The following PID1 variants were observed in gnomAD, a reference collection of about 807,000 sequenced individuals.
PID1 encodes phosphotyrosine interaction domain containing 1.
PID1 carries 10 observed loss-of-function variants against 19.1 expected under a neutral mutation model. The observed-to-expected ratio is 0.52, with a 90% confidence interval of 0.32 to 0.89. The LOEUF (loss-of-function observed/expected upper bound fraction) is 0.89. PID1 is among the 40% of genes least tolerant of loss of function. The pLI is 0.03. For missense variants in PID1, 248 were observed against 285.3 expected (o/e 0.87, Z 0.94); for synonymous variants, 130 against 116.0 (o/e 1.12, Z -0.78).
chr2:229,117,083 T>C (rs1196451394), intron 2 of PID1, among the ~76,000 whole-genome samples: 6 of 152,174 alleles, frequency 3.9e-5, no homozygotes, highest in Admixed American at 1.3e-4. Flanking sequence ...ATAGCTCAGA[T>C]ACATATCATT....
At chr2:229,240,277 CCT>C (rs1689837991) in intron 1 of PID1, among the ~76,000 whole-genome samples, 1 of 151,980 alleles carries the variant, frequency 6.6e-6, no homozygotes, top group African/African-American at 2.4e-5. Flanking sequence ...AAATGAATCC[CCT>C]GAGACATTCT....
intron 1 of PID1, among the ~76,000 whole-genome samples, chr2:229,162,794 A>G (rs1051304838): frequency 2.0e-5 from 3 of 152,224 alleles, no homozygotes; most frequent in African/African-American, 7.2e-5. Context: ...ATTGTAAATA[A>G]GGTATATTCA....
At chr2:229,097,089 C>T (rs1694986388) in intron 2 of PID1, among the ~76,000 whole-genome samples, 1 of 152,076 alleles carries the variant, frequency 6.6e-6, no homozygotes, top group Non-Finnish European at 1.5e-5. Context: ...TAAAATAAAG[C>T]CTTCAAGGAA....
chr2:229,242,534 G>T (rs569358947), intron 1 of PID1, among the ~76,000 whole-genome samples: 1 of 151,864 alleles, frequency 6.6e-6, no homozygotes, highest in Non-Finnish European at 1.5e-5. Context: ...TACATTTCCC[G>T]TCCTCTCTAA....
chr2:229,111,824 T>C (rs879623201), intron 2 of PID1, among the ~76,000 whole-genome samples: 2 of 152,218 alleles, frequency 1.3e-5, no homozygotes, highest in Non-Finnish European at 2.9e-5. Flanking sequence ...GTTCTCATCA[T>C]GTGATAAGTT....
intron 1 of PID1, among the ~76,000 whole-genome samples, chr2:229,160,424 C>T (rs1690469761): frequency 6.6e-6 from 1 of 152,092 alleles, no homozygotes; most frequent in African/African-American, 2.4e-5. Flanking sequence ...CCAACTTCAA[C>T]ACAATATATT....
At chr2:229,151,571 C>CT (rs1176333725) in intron 2 of PID1, among the ~76,000 whole-genome samples, 14,161 of 142,096 alleles carry the variant, frequency 0.1, 909 homozygotes, top group South Asian at 0.23. Context: ...ACTTCTATTT[C>CT]TTTTTTTTTT....
intron 2 of PID1, among the ~76,000 whole-genome samples, chr2:229,041,072 C>A (rs1375221787): frequency 1.3e-5 from 2 of 152,190 alleles, no homozygotes; most frequent in East Asian, 3.9e-4. Flanking sequence ...TATACATATA[C>A]TTCTTAGCTG....
chr2:229,242,494 G>A (rs768311236), intron 1 of PID1, among the ~76,000 whole-genome samples: 2 of 152,028 alleles, frequency 1.3e-5, no homozygotes, highest in Admixed American at 1.3e-4. Flanking sequence ...CCACTCAGCT[G>A]CCTACACTAG....
intron 2 of PID1, among the ~76,000 whole-genome samples, chr2:229,041,854 C>G (rs1693777356): frequency 6.6e-6 from 1 of 151,608 alleles, no homozygotes; most frequent in Non-Finnish European, 1.5e-5. Context: ...GTATAAAGGT[C>G]AGAAAGACTG....
rs1293626727 is a variant in PID1 at position 229,139,146 on chromosome 2, A to AAAGAAAGAAAGC, written c.177+16671_177+16672insGCTTTCTTTCTT. On this transcript the variant is annotated intron_variant, in intron 2 of 2. Coordinates refer to ENST00000392055, the MANE Select transcript of PID1 (RefSeq NM_001100818.2). ...GAAAGAAAGAAAGAAAGAAAGAAAG[A>AAAGAAAGAAAGC]AAGCAAGCGAGCGAGCAAGCGAGCT... Among the ~76,000 whole-genome samples, 12 of 109,026 alleles carry AAAGAAAGAAAGC rather than the reference A, an allele frequency of 1.1e-4. No homozygotes were observed. In the East Asian group the frequency reaches 1.2e-3, roughly 11 times the overall value. The allele number at this position is 109,026 out of a possible 152,430, so 71.5% of individuals were successfully genotyped here.
Position 229,025,552 on chromosome 2 carries a change from A to C in PID1, c.*80T>G. The C allele has an allele frequency of 9.1e-7, 1 of 1,099,736 alleles. No individual in the cohort carries two copies. The highest frequency in any genetic ancestry group is 2.2e-5 in the Admixed American group (1 of 46,256). The allele number at this position is 1,099,736 out of a possible 1,614,324, so 68.1% of individuals were successfully genotyped here. On this transcript the variant is annotated 3_prime_UTR_variant, in exon 3 of 3. Coordinates refer to ENST00000392055, the MANE Select transcript of PID1 (RefSeq NM_001100818.2). ...AATAGTTTGGCAGTCTTTTCATCCC[A>C]AATTTGAAACGTTGCTTACTCATCT... is the stretch of plus-strand genomic sequence containing the variant.
intron 1 of PID1, among the ~76,000 whole-genome samples, chr2:229,175,012 A>T (rs139325768): frequency 6.6e-6 from 1 of 152,180 alleles, no homozygotes; most frequent in Non-Finnish European, 1.5e-5. Context: ...AGAGGTGTAT[A>T]TGGAGAGAAA....
intron 2 of PID1, 58 bp from the exon 3 acceptor site, chr2:229,026,166 T>TA (rs1693418304): frequency 8.6e-7 from 1 of 1,156,220 alleles, no homozygotes; most frequent in Non-Finnish European, 1.3e-6. Flanking sequence ...TTTGTTCTGA[T>TA]AGACTGAATG....
Position 229,180,206 on chromosome 2 carries a change from G to A in PID1, c.31-24242C>T, listed in dbSNP as rs553067695. Among the ~76,000 whole-genome samples the A allele has an allele frequency of 1.6e-4, 24 of 152,168 alleles. No individual in the cohort carries two copies. The South Asian group carries it at 5.0e-3, about 32-fold the overall frequency. On this transcript the variant is annotated intron_variant, in intron 1 of 2. Coordinates refer to ENST00000392055, the MANE Select transcript of PID1 (RefSeq NM_001100818.2). Reference sequence around the variant, plus strand: ...ATTGATGTTTATAAGGTACACCTTAGGCAATGCACAGAACAGAGATATTGG... The same window carrying A: ...ATTGATGTTTATAAGGTACACCTTAAGCAATGCACAGAACAGAGATATTGG...
intron 2 of PID1, among the ~76,000 whole-genome samples, chr2:229,043,552 A>G (rs1162821098): frequency 6.6e-6 from 1 of 152,252 alleles, no homozygotes; most frequent in Non-Finnish European, 1.5e-5. Flanking sequence ...CAGCAAGCAC[A>G]TTTATTTTTA....
At chr2:229,181,690 T>G (rs961831283) in intron 1 of PID1, among the ~76,000 whole-genome samples, 2 of 152,244 alleles carry the variant, frequency 1.3e-5, no homozygotes, top group Non-Finnish European at 2.9e-5. Context: ...TTCTGAACCA[T>G]TTAACTGCAA....
chr2:229,200,266 A>C (rs1691470003), intron 1 of PID1, among the ~76,000 whole-genome samples: 1 of 152,064 alleles, frequency 6.6e-6, no homozygotes, highest in Non-Finnish European at 1.5e-5. Flanking sequence ...TCAGGTAGGC[A>C]CATCGCTTTG....
At chr2:229,070,881 T>G (rs1049883875) in intron 2 of PID1, among the ~76,000 whole-genome samples, 6 of 152,232 alleles carry the variant, frequency 3.9e-5, no homozygotes, top group Non-Finnish European at 8.8e-5. Flanking sequence ...TTAAAAGTTA[T>G]GAATGATCAA....
Sources: gnomAD v4.1 joint callset for allele counts (sites outside exome capture counted in the v4.1 genomes callset) on GRCh38, gnomAD v4.1.1 for gene constraint, MANE v1.5 for transcripts, NCBI Gene and HGNC (gene_info 2026-07-23, HGNC 2026-07-21) for gene names.